Variants in HDGFL3 observed in about 807,000 individuals in gnomAD.
HDGFL3 encodes the protein hepatoma-derived growth factor-related protein 3.
A neutral mutation model predicts 27.6 loss-of-function variants in HDGFL3; 6 were observed. The ratio of observed to expected loss-of-function variants is 0.22; its 90% CI spans 0.12 to 0.43. The LOEUF (loss-of-function observed/expected upper bound fraction) is 0.43, where lower values mean the gene tolerates loss of function less well. Among genes scored for constraint, HDGFL3 ranks in the 20% least tolerant of loss-of-function variants. The pLI, the probability that HDGFL3 is intolerant of heterozygous loss-of-function variation, is 1.00. For synonymous variants in HDGFL3, 88 were observed against 88.9 expected, an observed-to-expected ratio of 0.99 and a Z score of 0.05; for missense variants, 207 against 250.1, an observed-to-expected ratio of 0.83 and a Z score of 1.16.
chr15:83,154,210 C>A (rs2036998890), intron 4 of HDGFL3, among the ~76,000 whole-genome samples: 1 of 151,158 alleles, frequency 6.6e-6, no homozygotes, highest in Non-Finnish European at 1.5e-5. Flanking sequence ...GTGATGTACG[C>A]CCGTGGTCCC....
intron 1 of HDGFL3, among the ~76,000 whole-genome samples, chr15:83,191,933 T>TC (rs1395436470): frequency 7.0e-6 from 1 of 143,402 alleles, no homozygotes; most frequent in African/African-American, 2.6e-5. Flanking sequence ...AACTTATCTC[T>TC]CCTTTTTTTT....
chr15:83,158,341 T>C (rs2037058828), intron 2 of HDGFL3, among the ~76,000 whole-genome samples: 2 of 152,264 alleles, frequency 1.3e-5, no homozygotes, highest in African/African-American at 4.8e-5. Context: ...ATTAAATATG[T>C]CTACTTTGGC....
At chr15:83,127,598 T>C (rs2035880680), downstream of HDGFL3, 2 of 1,115,500 alleles carry the variant, frequency 1.8e-6, no homozygotes, top group African/African-American at 1.6e-5. Context: ...ATGTCACCTT[T>C]TGTTTTGCAG....
chr15:83,193,325 C>T (rs946874790), intron 1 of HDGFL3, among the ~76,000 whole-genome samples: 2 of 151,948 alleles, frequency 1.3e-5, no homozygotes, highest in African/African-American at 4.8e-5. Flanking sequence ...AATAAGCACA[C>T]GAAAAGATGC....
chr15:83,166,633 C>G (rs11855639), intron 1 of HDGFL3, among the ~76,000 whole-genome samples: 38,235 of 152,006 alleles, frequency 0.25, 5,171 homozygotes, highest in African/African-American at 0.35. Context: ...TTATAAAGAA[C>G]AGAGGTTTAA....
intron 4 of HDGFL3, among the ~76,000 whole-genome samples, chr15:83,152,405 C>T (rs1477964815): frequency 6.6e-6 from 1 of 151,744 alleles, no homozygotes; most frequent in Admixed American, 6.6e-5. Context: ...ACTAAAACTA[C>T]AAAAATTACC....
At chr15:83,182,368 T>A (rs1416549439) in intron 1 of HDGFL3, among the ~76,000 whole-genome samples, 1 of 152,222 alleles carries the variant, frequency 6.6e-6, no homozygotes, top group Non-Finnish European at 1.5e-5. Flanking sequence ...ACACAAAGAT[T>A]TGTACAAGGT....
At chr15:83,194,314 T>C (rs2037545509) in intron 1 of HDGFL3, among the ~76,000 whole-genome samples, 1 of 152,094 alleles carries the variant, frequency 6.6e-6, no homozygotes, top group Non-Finnish European at 1.5e-5. Flanking sequence ...AAAAAACACA[T>C]ACCGTATAAT....
intron 1 of HDGFL3, among the ~76,000 whole-genome samples, chr15:83,167,385 G>C (rs1328046465): frequency 6.6e-6 from 1 of 152,038 alleles, no homozygotes; most frequent in African/African-American, 2.4e-5. Context: ...GTGAAACCCT[G>C]TCTCTACTAA....
At chr15:83,163,889 A>G (rs2037130556) in intron 2 of HDGFL3, 110 bp downstream of exon 2, 1 of 731,906 alleles carries the variant, frequency 1.4e-6, no homozygotes, top group African/African-American at 1.9e-5. Context: ...GCAATTTTAT[A>G]TAACTGATTA....
At chr15:83,117,407 G>C (rs1360296614) in intron 3 of HDGFL3, among the ~76,000 whole-genome samples, 1 of 152,312 alleles carries the variant, frequency 6.6e-6, no homozygotes, top group South Asian at 2.1e-4. Context: ...TCTGAGAGGA[G>C]AAGGGCTTGC....
downstream of HDGFL3, among the ~76,000 whole-genome samples, chr15:83,125,332 C>T (rs1707952461): frequency 6.6e-6 from 1 of 152,100 alleles, no homozygotes; most frequent in Non-Finnish European, 1.5e-5. Flanking sequence ...TTCATGTTTT[C>T]TATTTTCTCT....
chr15:83,124,712 CATTTG>C, downstream of HDGFL3: 1 of 1,614,080 alleles, frequency 6.2e-7, no homozygotes, highest in Non-Finnish European at 8.5e-7. Flanking sequence ...CTGAGAAGAC[CATTTG>C]ATTTAATGTT....
intron 2 of HDGFL3, among the ~76,000 whole-genome samples, chr15:83,159,276 A>G (rs778104867): frequency 6.6e-6 from 1 of 152,226 alleles, no homozygotes; most frequent in Admixed American, 6.5e-5. Context: ...AAAAAAAAAG[A>G]AGTTAGAACA....
intron 5 of HDGFL3, among the ~76,000 whole-genome samples, chr15:83,148,622 GA>G (rs901423020): frequency 8.5e-4 from 116 of 136,566 alleles, no homozygotes; most frequent in Middle Eastern, 4.0e-3. Context: ...ACTCCGTCTC[GA>G]AAAAAAAAAA....
rs1296605463 is a variant in HDGFL3 at position 83,133,311 on chromosome 15, T to C, written c.*5959A>G. Reference sequence around the variant, plus strand: ...AATGGTCACCTAAGTTTTCTGCCTATAACATTCACATGGACATATAACACT... The same window carrying C: ...AATGGTCACCTAAGTTTTCTGCCTACAACATTCACATGGACATATAACACT... On this transcript the variant is annotated 3_prime_UTR_variant, in exon 6 of 6. Coordinates refer to ENST00000299633, the MANE Select transcript of HDGFL3 (RefSeq NM_016073.4). 1 of 152,254 alleles carries C rather than the reference T, an allele frequency of 6.6e-6. No individual in the cohort carries two copies. Among genetic ancestry groups the C allele is most frequent in the Admixed American group, 6.5e-5 (1 of 15,292 alleles). The allele number at this position is 152,254 out of a possible 1,614,324, so 9.4% of individuals were successfully genotyped here.
chr15:83,157,759 C>T, intron 3 of HDGFL3, 144 bp downstream of exon 3: 3 of 951,198 alleles, frequency 3.2e-6, no homozygotes, highest in Non-Finnish European at 4.8e-6. Context: ...TTAAGAATTA[C>T]ATTTAATCCA....
chr15:83,124,917 G>A, downstream of HDGFL3: 1 of 709,064 alleles, frequency 1.4e-6, no homozygotes, highest in Non-Finnish European at 2.3e-6. Context: ...AAAGCCTGGA[G>A]CCCTGGACCT....
chr15:83,117,644 G>A (rs994824179), intron 3 of HDGFL3, among the ~76,000 whole-genome samples: 31 of 152,176 alleles, frequency 2.0e-4, no homozygotes, highest in African/African-American at 7.2e-4. Flanking sequence ...GGGCAGACGG[G>A]GTATCAGAAG....
Sources: gnomAD v4.1 joint callset for allele counts (sites outside exome capture counted in the v4.1 genomes callset) on GRCh38, gnomAD v4.1.1 for gene constraint, MANE v1.5 for transcripts, NCBI Gene and HGNC (gene_info 2026-07-23, HGNC 2026-07-21) for gene names.